DOCK10: variants seen among roughly 807,000 people sequenced by gnomAD.
DOCK10 encodes the protein dedicator of cytokinesis protein 10.
Under a neutral mutation model 280.1 loss-of-function variants are expected in DOCK10, and 145 were observed. The observed-to-expected ratio is 0.52, with a 90% CI of 0.45 to 0.59. The LOEUF (loss-of-function observed/expected upper bound fraction) is 0.59. DOCK10 is among the 20% of genes least tolerant of loss of function. The probability of loss-of-function intolerance (pLI) is 0.00; values close to 1 mark genes in which losing one functional copy is unlikely to be tolerated. For synonymous variants in DOCK10, 915 were observed against 942.2 expected (o/e 0.97, Z 0.53); for missense variants, 2,368 against 2,651.7 (o/e 0.89, Z 2.35).
At chr2:224,767,427 G>A (rs1690132735) in intron 55 of DOCK10, among the ~76,000 whole-genome samples, 1 of 152,128 alleles carries the variant, frequency 6.6e-6, no homozygotes, top group African/African-American at 2.4e-5. Flanking sequence ...GCCTCCCAAA[G>A]TGCTAGGATT....
At position 225,013,665 on chromosome 2, in the gene DOCK10, T is replaced by C. The variant is rs184398943; in HGVS notation, c.123+28587A>G. Among the ~76,000 whole-genome samples, 607 of 152,320 alleles carry C rather than the reference T, an allele frequency of 4.0e-3. 16 individuals carry two copies. Among genetic ancestry groups the C allele is most frequent in the Admixed American group, 0.037 (558 of 15,282 alleles). ...TTCCTGTGCTCAGTGTGGGGCAATGTACTCTATCTGCACTTGACTTTACTT... is the reference window on the plus strand; with the variant it reads ...TTCCTGTGCTCAGTGTGGGGCAATGCACTCTATCTGCACTTGACTTTACTT... On this transcript the variant is annotated intron_variant, in intron 1 of 55. Coordinates refer to ENST00000258390, the MANE Select transcript of DOCK10 (RefSeq NM_014689.3).
chr2:224,926,016 T>C (rs1702027277), intron 2 of DOCK10, among the ~76,000 whole-genome samples: 1 of 152,204 alleles, frequency 6.6e-6, no homozygotes, highest in Non-Finnish European at 1.5e-5. Context: ...AAGTTTCTAT[T>C]ACTACCAGCT....
intron 1 of DOCK10, among the ~76,000 whole-genome samples, chr2:225,032,732 A>G (rs1323957857): frequency 1.3e-5 from 2 of 152,226 alleles, no homozygotes; most frequent in Non-Finnish European, 2.9e-5. Flanking sequence ...AGGGACATTT[A>G]AGAGCTAATC....
In DOCK10 at chr2:224,937,208, T is replaced by C. The variant is rs573215322; in HGVS notation, c.124-5540A>G. ...AAGGATTAGAAATCAGAATCTCTAG[T>C]TGGAAGTTCAGGATTTCTTACCTAC... On this transcript the variant is annotated intron_variant, in intron 1 of 55. Transcript: ENST00000258390. Among the ~76,000 whole-genome samples the C allele has an allele frequency of 3.9e-5, 6 of 152,320 alleles. No individual in the cohort carries two copies. The South Asian group carries it at 8.3e-4, about 21-fold the overall frequency.
chr2:225,012,178 A>G (rs571138497), intron 1 of DOCK10, among the ~76,000 whole-genome samples: 51 of 152,322 alleles, frequency 3.3e-4, no homozygotes, highest in Middle Eastern at 6.8e-3. Context: ...AGGCCCAGAC[A>G]CTTAGACTTG....
At chr2:224,819,090 C>A (rs1466088047) in intron 29 of DOCK10, among the ~76,000 whole-genome samples, 2 of 152,170 alleles carry the variant, frequency 1.3e-5, no homozygotes, top group Non-Finnish European at 2.9e-5. Flanking sequence ...ATTCAACTGT[C>A]CCATTTTGCC....
intron 7 of DOCK10, among the ~76,000 whole-genome samples, chr2:224,880,104 T>C (rs959089659): frequency 1.3e-5 from 2 of 152,226 alleles, no homozygotes; most frequent in African/African-American, 4.8e-5. Flanking sequence ...TTGATTTGAT[T>C]GTCTAAACTG....
In DOCK10 at chr2:224,787,296, A is replaced by C. The variant is rs1016396454; in HGVS notation, c.5520T>G (p.Phe1840Leu). ...ATACTTTGAAGTCTCGTTGTTTCTC[A>C]AAGACAGCAATGATGGGCTTGTTGA... ...ADVNKPIIAV[F>L]EKQRDFKKLS... The change falls in exon 49 of 56, where the codon TTT (phenylalanine) becomes TTG (leucine). Residue 1840 changes from phenylalanine (F) to leucine (L), a missense_variant. By Grantham distance (22) the Phe-to-Leu change is conservative (BLOSUM62 0). Transcript: ENST00000258390. 6.2e-7 allele frequency: 1 copy of C among 1,613,974 alleles called. No homozygotes were observed. Among genetic ancestry groups the C allele is most frequent in the Non-Finnish European group, 8.5e-7 (1 of 1,179,876 alleles).
At chr2:224,785,278 A>G (rs1246227660) in intron 50 of DOCK10, among the ~76,000 whole-genome samples, 1 of 131,362 alleles carries the variant, frequency 7.6e-6, no homozygotes, top group Non-Finnish European at 1.6e-5. Flanking sequence ...GGACCCCAAA[A>G]ATGTCTAAAT....
chr2:225,031,983 G>A (rs998012130), intron 1 of DOCK10, among the ~76,000 whole-genome samples: 3 of 152,204 alleles, frequency 2.0e-5, no homozygotes, highest in South Asian at 2.1e-4. Flanking sequence ...AAATAACCAC[G>A]TTTTATGCTA....
At chr2:225,008,104 G>A (rs1171562873) in intron 1 of DOCK10, among the ~76,000 whole-genome samples, 1 of 152,198 alleles carries the variant, frequency 6.6e-6, no homozygotes, top group African/African-American at 2.4e-5. Context: ...GTATATTGAA[G>A]AGTATTTTAG....
At chr2:224,895,538 G>A (rs933763545) in intron 4 of DOCK10, among the ~76,000 whole-genome samples, 6 of 152,030 alleles carry the variant, frequency 3.9e-5, no homozygotes, top group Non-Finnish European at 7.4e-5. Flanking sequence ...CTGTTTGTTC[G>A]TCCAATAAGT....
intron 1 of DOCK10, among the ~76,000 whole-genome samples, chr2:224,980,251 A>T (rs1219560351): frequency 6.6e-6 from 1 of 151,896 alleles, no homozygotes; most frequent in Non-Finnish European, 1.5e-5. Context: ...TCTCAAACAG[A>T]GTCTTTGGGG....
At chr2:224,999,247 TCTC>T (rs146387673) in intron 1 of DOCK10, among the ~76,000 whole-genome samples, 9,546 of 146,156 alleles carry the variant, frequency 0.065, 990 homozygotes, top group African/African-American at 0.23. Context: ...TCTGTCTCTC[TCTC>T]TTTTTTTTTT....
At chr2:224,946,537 C>A (rs1703429746) in intron 1 of DOCK10, among the ~76,000 whole-genome samples, 1 of 152,124 alleles carries the variant, frequency 6.6e-6, no homozygotes, top group Non-Finnish European at 1.5e-5. Context: ...AAGAGAATAA[C>A]TTCTTCAGAA....
chr2:224,769,208 A>G (rs914598196), intron 55 of DOCK10, among the ~76,000 whole-genome samples: 3 of 152,204 alleles, frequency 2.0e-5, no homozygotes, highest in African/African-American at 7.2e-5. Context: ...CATTTTCTCC[A>G]ATATAACTCG....
chr2:224,787,480 T>C lies in DOCK10; in HGVS notation c.5419-83A>G, dbSNP rs567235544. On this transcript the variant is annotated intron_variant, in intron 48 of 55. Coordinates refer to ENST00000258390, the MANE Select transcript of DOCK10 (RefSeq NM_014689.3). ...GAAACTTGGTTTCCAAGCTGTTGCA[T>C]TGTCAAACTTTTCCCTCTGTTACTG... 2.8e-4 allele frequency: 428 copies of C among 1,546,686 alleles called. 8 individuals carry two copies. The South Asian group carries it at 3.2e-3, about 12-fold the overall frequency.
chr2:225,000,748 G>C (rs13409370), intron 1 of DOCK10, among the ~76,000 whole-genome samples: 8,201 of 152,328 alleles, frequency 0.054, 345 homozygotes, highest in African/African-American at 0.11. Context: ...GGGAGCCTGA[G>C]ACAGGAGAAT....
intron 11 of DOCK10, among the ~76,000 whole-genome samples, chr2:224,872,747 A>G (rs775622044): frequency 1.3e-5 from 2 of 152,220 alleles, no homozygotes; most frequent in African/African-American, 4.8e-5. Context: ...TCGAAAGCCA[A>G]TGTGACTCCT....
Sources: allele counts gnomAD v4.1 joint callset (sites outside exome capture counted in the v4.1 genomes callset), GRCh38; gene constraint gnomAD v4.1.1; transcripts MANE v1.5; gene names NCBI Gene and HGNC (gene_info 2026-07-23, HGNC 2026-07-21).